Variants in CNTNAP5 observed in about 807,000 individuals in gnomAD.
CNTNAP5 encodes contactin associated protein family member 5, also known as contactin-associated protein-like 5.
In CNTNAP5, 72 loss-of-function variants were observed where a neutral mutation model predicts 150.2. The ratio of observed to expected loss-of-function variants is 0.48; its 90% CI spans 0.40 to 0.58. CNTNAP5 has a LOEUF of 0.58. Among genes scored for constraint, CNTNAP5 ranks in the 20% least tolerant of loss-of-function variants. The pLI is 0.00. For synonymous variants in CNTNAP5, 672 were observed against 619.8 expected (o/e 1.08, Z -1.25); for missense variants, 1,636 against 1,626.2 (o/e 1.01, Z -0.10).
At chr2:124,735,958 C>T (rs572353233) in intron 13 of CNTNAP5, among the ~76,000 whole-genome samples, 9 of 152,220 alleles carry the variant, frequency 5.9e-5, no homozygotes, top group African/African-American at 7.2e-5. Context: ...ATGCTGGGCA[C>T]GGTGGCTCAC....
intron 13 of CNTNAP5, among the ~76,000 whole-genome samples, chr2:124,737,684 C>T (rs1479846094): frequency 6.6e-6 from 1 of 152,080 alleles, no homozygotes; most frequent in Admixed American, 6.5e-5. Context: ...TTGGATGCTA[C>T]AAAAATAACT....
intron 13 of CNTNAP5, among the ~76,000 whole-genome samples, chr2:124,709,011 C>T (rs997464038): frequency 1.3e-5 from 2 of 152,106 alleles, no homozygotes; most frequent in East Asian, 1.9e-4. Flanking sequence ...TGCTTCATTC[C>T]ACAGAATATG....
chr2:124,720,627 G>A (rs1390030924), intron 13 of CNTNAP5, among the ~76,000 whole-genome samples: 1 of 152,206 alleles, frequency 6.6e-6, no homozygotes, highest in East Asian at 1.9e-4. Flanking sequence ...GGCATGGAGT[G>A]AGAAAAGGTA....
chr2:124,116,290 A>G (rs1280795338), intron 1 of CNTNAP5, among the ~76,000 whole-genome samples: 1 of 152,196 alleles, frequency 6.6e-6, no homozygotes, highest in East Asian at 1.9e-4. Flanking sequence ...GGAGGGATGT[A>G]TACAAGGGTG....
At chr2:124,312,333 A>C (rs977752602) in intron 3 of CNTNAP5, among the ~76,000 whole-genome samples, 18 of 152,140 alleles carry the variant, frequency 1.2e-4, no homozygotes, top group African/African-American at 4.3e-4. Context: ...GTGATGAGTT[A>C]TTTCTTTTTT....
At chr2:124,815,833 C>T (rs1363136432) in intron 19 of CNTNAP5, among the ~76,000 whole-genome samples, 1 of 152,050 alleles carries the variant, frequency 6.6e-6, no homozygotes, top group Non-Finnish European at 1.5e-5. Flanking sequence ...TAATTTTATC[C>T]TCCAGTAAGA....
chr2:124,493,963 A>ATACACAC (rs199807584), intron 7 of CNTNAP5, among the ~76,000 whole-genome samples: 10 of 56,788 alleles, frequency 1.8e-4, no homozygotes, highest in South Asian at 1.4e-3. Context: ...GAAAACCATA[A>ATACACAC]ATACACACAC....
At chr2:124,034,733 C>G (rs924609844) in intron 1 of CNTNAP5, among the ~76,000 whole-genome samples, 1 of 152,132 alleles carries the variant, frequency 6.6e-6, no homozygotes, top group Non-Finnish European at 1.5e-5. Flanking sequence ...CTTAAACAGA[C>G]CTTAGGTAAA....
intron 1 of CNTNAP5, among the ~76,000 whole-genome samples, chr2:124,178,952 TTA>T (rs1392463014): frequency 1.3e-5 from 2 of 150,154 alleles, no homozygotes; most frequent in African/African-American, 4.9e-5. Context: ...ATTTATTTAT[TTA>T]TTTTGTGTGT....
At chr2:124,377,237 A>G in intron 3 of CNTNAP5, among the ~76,000 whole-genome samples, 1 of 152,170 alleles carries the variant, frequency 6.6e-6, no homozygotes, top group East Asian at 1.9e-4. Context: ...TGAATACATT[A>G]TTTTTGCTTT....
At chr2:124,652,877 C>G (rs1678352447) in intron 13 of CNTNAP5, among the ~76,000 whole-genome samples, 1 of 152,198 alleles carries the variant, frequency 6.6e-6, no homozygotes, top group Non-Finnish European at 1.5e-5. Flanking sequence ...AAGCTGTGAC[C>G]TCTTGCAGGC....
intron 3 of CNTNAP5, among the ~76,000 whole-genome samples, chr2:124,358,264 C>T (rs1360146098): frequency 6.6e-6 from 1 of 151,700 alleles, no homozygotes; most frequent in African/African-American, 2.4e-5. Context: ...GACAATTTGA[C>T]TTCCTCTTTT....
intron 19 of CNTNAP5, among the ~76,000 whole-genome samples, chr2:124,849,825 C>T (rs1006782399): frequency 8.5e-5 from 13 of 152,182 alleles, no homozygotes; most frequent in Admixed American, 1.3e-4. Context: ...GTCTTTTGCT[C>T]TGGGACGCCT....
chr2:124,239,578 T>C (rs189739779), intron 2 of CNTNAP5, among the ~76,000 whole-genome samples: 2 of 152,252 alleles, frequency 1.3e-5, no homozygotes, highest in Non-Finnish European at 2.9e-5. Context: ...AACTATGTTA[T>C]ATGCAAAAAT....
chr2:124,513,489 T>A (rs1192432401), intron 8 of CNTNAP5, among the ~76,000 whole-genome samples: 1 of 152,190 alleles, frequency 6.6e-6, no homozygotes, highest in Non-Finnish European at 1.5e-5. Context: ...CACTAGAATG[T>A]AAGCAACCAT....
chr2:124,379,336 C>A (rs1487728191), intron 3 of CNTNAP5, among the ~76,000 whole-genome samples: 1 of 152,016 alleles, frequency 6.6e-6, no homozygotes, highest in African/African-American at 2.4e-5. Context: ...GGCTATTCAT[C>A]TCTCCCTCCC....
At chr2:124,405,199 C>G (rs1210896834) in intron 3 of CNTNAP5, among the ~76,000 whole-genome samples, 1 of 152,108 alleles carries the variant, frequency 6.6e-6, no homozygotes, top group South Asian at 2.1e-4. Flanking sequence ...CATGAGGCGG[C>G]GAGACTACAT....
At chr2:124,297,089 A>T (rs1189237347) in intron 3 of CNTNAP5, among the ~76,000 whole-genome samples, 1 of 152,172 alleles carries the variant, frequency 6.6e-6, no homozygotes, top group Non-Finnish European at 1.5e-5. Flanking sequence ...AAATTAGGGG[A>T]TATGCCTTTT....
chr2:124,781,820 C>T (rs1370794412), intron 17 of CNTNAP5, among the ~76,000 whole-genome samples: 4 of 152,168 alleles, frequency 2.6e-5, no homozygotes, highest in African/African-American at 2.4e-5. Context: ...CCTCAAGGAC[C>T]GTTCTTTTCT....
Sources: allele counts gnomAD v4.1 joint callset (sites outside exome capture counted in the v4.1 genomes callset), GRCh38; gene constraint gnomAD v4.1.1; transcripts MANE v1.5; gene names NCBI Gene and HGNC (gene_info 2026-07-23, HGNC 2026-07-21).